The following MYO1D variants were observed in gnomAD, a reference collection of about 807,000 sequenced individuals.
The protein encoded by MYO1D is myosin ID.
MYO1D carries 83 observed loss-of-function variants against 122.0 expected under a neutral mutation model. That is an observed-to-expected ratio of 0.68 (90% CI 0.57 to 0.82). The LOEUF (loss-of-function observed/expected upper bound fraction) is 0.82. Among genes scored for constraint, MYO1D ranks in the 40% least tolerant of loss-of-function variants. The pLI, the probability that MYO1D is intolerant of heterozygous loss-of-function variation, is 0.00. For missense variants in MYO1D, 1,157 were observed against 1,269.5 expected, an observed-to-expected ratio of 0.91 and a Z score of 1.35; for synonymous variants, 464 against 446.9, an observed-to-expected ratio of 1.04 and a Z score of -0.48.
chr17:32,658,928 T>C (rs2088514041), intron 17 of MYO1D, 187 bp downstream of exon 17: 1 of 611,108 alleles, frequency 1.6e-6, no homozygotes, highest in African/African-American at 1.8e-5. Flanking sequence ...AAATTGGCAG[T>C]TCCTTTATTT....
chr17:32,687,764 A>T (rs982189832), intron 16 of MYO1D, among the ~76,000 whole-genome samples: 31 of 152,356 alleles, frequency 2.0e-4, no homozygotes, highest in African/African-American at 7.0e-4. Flanking sequence ...TTCATACATA[A>T]CATAGCTAAT....
chr17:32,835,097 T>C lies in MYO1D; in HGVS notation c.95+41681A>G, dbSNP rs192996748. 2.7e-3 allele frequency among the ~76,000 whole-genome samples: 418 copies of C among 152,016 alleles called. 4 individuals carry two copies. Among genetic ancestry groups the C allele is most frequent in the African/African-American group, 8.7e-3 (361 of 41,460 alleles). ...AGGATATATACAAGGTCCTGCACAG[T>C]CTGGTCCCAAACATACCTTGACAAG... On this transcript the variant is annotated intron_variant, in intron 1 of 21. Transcript: ENST00000318217.
At position 32,760,622 on chromosome 17, in the gene MYO1D, T is replaced by C. The variant is rs1292185586; in HGVS notation, c.1041A>G (p.Ile347Met). 1.9e-6 allele frequency: 3 copies of C among 1,601,460 alleles called. No individual in the cohort carries two copies. In the South Asian group the frequency reaches 3.4e-5, roughly 18 times the overall value. Residue 347 changes from isoleucine (I) to methionine (M), a missense_variant, in exon 9 of 22, where the codon ATA becomes ATG. Coordinates refer to ENST00000318217, the MANE Select transcript of MYO1D (RefSeq NM_015194.3). ...SYGRDAFAKAIYERLFCWIVT... is the reference protein window; with the variant it reads ...SYGRDAFAKAMYERLFCWIVT... ...CGATCCAACAAAAAAGGCGCTCATA[T>C]ATTGCCTGCAAGGAAAATAGCATCA...
At chr17:32,803,379 C>T (rs1463587883) in intron 1 of MYO1D, among the ~76,000 whole-genome samples, 1 of 152,164 alleles carries the variant, frequency 6.6e-6, no homozygotes, top group Non-Finnish European at 1.5e-5. Flanking sequence ...ATCTCCTGAC[C>T]TCCTGATCTG....
At chr17:32,542,088 C>A (rs1216007998) in intron 21 of MYO1D, among the ~76,000 whole-genome samples, 1 of 152,162 alleles carries the variant, frequency 6.6e-6, no homozygotes, top group African/African-American at 2.4e-5. Flanking sequence ...GCTCCCAGAA[C>A]ACACATCTAT....
Position 32,504,881 on chromosome 17 carries a change from G to A in MYO1D, c.2865-9966C>T, listed in dbSNP as rs567349222. 2.5e-4 allele frequency: 38 copies of A among 152,434 alleles called. 1 individual carries two copies. Among genetic ancestry groups the A allele is most frequent in the Admixed American group, 8.5e-4 (13 of 15,302 alleles). The allele number at this position is 152,434 out of a possible 1,614,324, so 9.4% of individuals were successfully genotyped here. ...TCAAGCCTATGCAGTGAGAGGTGTC[G>A]TCTGCACGGTCACTGAGGCCAGAGA... On this transcript the variant is annotated intron_variant, in intron 21 of 21. Transcript: ENST00000318217.
At chr17:32,511,426 G>C (rs566751801) in intron 21 of MYO1D, among the ~76,000 whole-genome samples, 9 of 151,970 alleles carry the variant, frequency 5.9e-5, no homozygotes, top group African/African-American at 2.2e-4. Context: ...GGTCTCACTA[G>C]GTTGCCCAGC....
chr17:32,574,731 A>G (rs2087263353), intron 21 of MYO1D, among the ~76,000 whole-genome samples: 1 of 152,234 alleles, frequency 6.6e-6, no homozygotes. Context: ...AAGGTACACG[A>G]GGTGCAGCTG....
intron 16 of MYO1D, among the ~76,000 whole-genome samples, chr17:32,699,417 G>A (rs1288684133): frequency 3.9e-5 from 6 of 152,198 alleles, no homozygotes; most frequent in Non-Finnish European, 1.5e-5. Context: ...ACCACTCACT[G>A]CCTTAGGTGT....
chr17:32,645,549 G>A (rs974757996), intron 19 of MYO1D, among the ~76,000 whole-genome samples: 79 of 152,182 alleles, frequency 5.2e-4, no homozygotes, highest in African/African-American at 1.8e-3. Context: ...CCAATCAGAC[G>A]GAGATTTGGT....
At chr17:32,873,904 T>C (rs1598173873) in intron 1 of MYO1D, among the ~76,000 whole-genome samples, 1 of 152,218 alleles carries the variant, frequency 6.6e-6, no homozygotes, top group African/African-American at 2.4e-5. Flanking sequence ...CCTTAGCCAA[T>C]GGCCATATGG....
chr17:32,532,779 C>T (rs1211212143), intron 21 of MYO1D, among the ~76,000 whole-genome samples: 2 of 150,960 alleles, frequency 1.3e-5, no homozygotes, highest in African/African-American at 4.9e-5. Context: ...GCTCATTTTA[C>T]CACAGCAGGG....
At chr17:32,607,149 G>A (rs2087638625) in intron 20 of MYO1D, among the ~76,000 whole-genome samples, 1 of 151,646 alleles carries the variant, frequency 6.6e-6, no homozygotes, top group Non-Finnish European at 1.5e-5. Flanking sequence ...AACAGAGCGA[G>A]ACTCCATCTC....
chr17:32,768,435 G>A (rs1396785933), intron 6 of MYO1D, among the ~76,000 whole-genome samples: 2 of 152,146 alleles, frequency 1.3e-5, no homozygotes, highest in African/African-American at 2.4e-5. Context: ...ACAGAAATTC[G>A]CAATAAAGCA....
rs2090166643 is a variant in MYO1D at position 32,775,858 on chromosome 17, T to G, written c.564+6A>C. On this transcript the variant is annotated splice_donor_region_variant and intron_variant, in intron 4 of 21. Coordinates refer to ENST00000318217, the MANE Select transcript of MYO1D (RefSeq NM_015194.3). The stretch of plus-strand genomic sequence containing the variant: ...ACATTACCCTCAGAAATTAAGCATA[T>G]TTTACCTTTTCTAGTAAGTAGTTAT... The G allele has an allele frequency of 6.3e-7, 1 of 1,598,462 alleles. No homozygotes were observed.
At chr17:32,823,135 T>C (rs936352239) in intron 1 of MYO1D, among the ~76,000 whole-genome samples, 7 of 152,186 alleles carry the variant, frequency 4.6e-5, no homozygotes, top group Non-Finnish European at 7.3e-5. Flanking sequence ...TGAGGGTTTC[T>C]AGTAAAGTTT....
chr17:32,561,083 T>G (rs1416219401), intron 21 of MYO1D, among the ~76,000 whole-genome samples: 6 of 151,934 alleles, frequency 3.9e-5, no homozygotes, highest in African/African-American at 1.2e-4. Context: ...GGCTAATTTT[T>G]GTATTTTTAG....
intron 19 of MYO1D, among the ~76,000 whole-genome samples, chr17:32,650,582 C>A (rs966532072): frequency 6.6e-6 from 1 of 151,944 alleles, no homozygotes; most frequent in African/African-American, 2.4e-5. Flanking sequence ...TTGTTTTAGC[C>A]TTTTATTTTT....
At chr17:32,689,073 C>G (rs1289547473) in intron 16 of MYO1D, among the ~76,000 whole-genome samples, 1 of 151,976 alleles carries the variant, frequency 6.6e-6, no homozygotes, top group Non-Finnish European at 1.5e-5. Flanking sequence ...TTATTCTCTT[C>G]TTTAAATTAA....
Sources: gnomAD v4.1 joint callset for allele counts (sites outside exome capture counted in the v4.1 genomes callset) on GRCh38, gnomAD v4.1.1 for gene constraint, MANE v1.5 for transcripts, NCBI Gene and HGNC (gene_info 2026-07-23, HGNC 2026-07-21) for gene names.